The following SOCS3 variants were observed in gnomAD, a reference collection of about 807,000 sequenced individuals.
SOCS3 encodes the protein suppressor of cytokine signaling 3, also known as STAT-induced STAT inhibitor 3.
A neutral mutation model predicts 11.7 loss-of-function variants in SOCS3; 5 were observed. The observed-to-expected ratio is 0.43, with a 90% confidence interval of 0.22 to 0.90. The LOEUF (loss-of-function observed/expected upper bound fraction) is 0.90. Among genes scored for constraint, SOCS3 ranks in the 40% least tolerant of loss-of-function variants. The pLI, the probability that SOCS3 is intolerant of heterozygous loss-of-function variation, is 0.27. For synonymous variants in SOCS3, 143 were observed against 136.3 expected (o/e 1.05, Z -0.34); for missense variants, 203 against 302.0 (o/e 0.67, Z 2.43).
rs2081575612 is a variant in SOCS3 at position 78,357,333 on chromosome 17, A to T, written c.*1085T>A. The T allele has an allele frequency of 2.0e-5, 3 of 152,294 alleles. No homozygotes were observed. Among genetic ancestry groups the T allele is most frequent in the Admixed American group, 1.3e-4 (2 of 15,302 alleles). 9.4% of individuals were successfully genotyped at this position (152,294 alleles called of 1,614,324 possible). On this transcript the variant is annotated 3_prime_UTR_variant, in exon 2 of 2. Coordinates refer to ENST00000330871, the MANE Select transcript of SOCS3 (RefSeq NM_003955.5). The surrounding 1 kb of genome is among the most constrained non-coding windows in gnomAD (Gnocchi z 7.0). Reference sequence around the variant, plus strand: ...GGGACCTGGTGGCTCTGCTCTGACCACGAGGCGCCTGACTGGCCAATACTT... The same window carrying T: ...GGGACCTGGTGGCTCTGCTCTGACCTCGAGGCGCCTGACTGGCCAATACTT...
Sources: allele counts gnomAD v4.1 joint callset, GRCh38; gene constraint gnomAD v4.1.1; non-coding constraint Gnocchi (gnomAD v3.1); transcripts MANE v1.5; gene names NCBI Gene and HGNC (gene_info 2026-07-23, HGNC 2026-07-21).